Variants in EPM2A observed in about 807,000 individuals in gnomAD.
EPM2A encodes laforin.
Under a neutral mutation model 26.5 loss-of-function variants are expected in EPM2A, and 21 were observed. That is an observed-to-expected ratio of 0.79 (90% CI 0.56 to 1.14). The LOEUF (loss-of-function observed/expected upper bound fraction) is 1.14. Ranked by LOEUF, EPM2A falls within the 50% of genes most tolerant of loss-of-function variation. EPM2A has a pLI of 0.00. For synonymous variants in EPM2A, 217 were observed against 177.6 expected (o/e 1.22, Z -1.76); for missense variants, 458 against 440.8 (o/e 1.04, Z -0.35).
chr6:145,662,471 T>A (rs1778792351), intron 2 of EPM2A, among the ~76,000 whole-genome samples: 1 of 152,116 alleles, frequency 6.6e-6, no homozygotes, highest in Admixed American at 6.5e-5. Context: ...ATGATACTTG[T>A]TAAAGCAAGG....
intron 2 of EPM2A, among the ~76,000 whole-genome samples, chr6:145,531,083 A>C (rs998615874): frequency 2.6e-5 from 4 of 152,170 alleles, no homozygotes; most frequent in Non-Finnish European, 5.9e-5. Flanking sequence ...TGGTGGGAAA[A>C]ATTTTAAGAT....
chr6:145,434,023 T>A (rs563813774), intron 4 of EPM2A, among the ~76,000 whole-genome samples: 29 of 152,014 alleles, frequency 1.9e-4, no homozygotes, highest in East Asian at 3.9e-4. Context: ...TTTCTTTTTT[T>A]AAAAAAAATC....
intron 1 of EPM2A, among the ~76,000 whole-genome samples, chr6:145,691,300 C>T (rs558457573): frequency 7.9e-4 from 120 of 152,098 alleles, no homozygotes; most frequent in Non-Finnish European, 1.4e-3. Flanking sequence ...CTAATATGAG[C>T]AGATTTCTCA....
At chr6:145,429,124 T>A (rs1778888984) in intron 4 of EPM2A, among the ~76,000 whole-genome samples, 1 of 152,142 alleles carries the variant, frequency 6.6e-6, no homozygotes, top group Non-Finnish European at 1.5e-5. Context: ...TCTATTTTGA[T>A]GATCAAATTT....
chr6:145,429,103 T>C (rs1778888956), intron 4 of EPM2A, among the ~76,000 whole-genome samples: 3 of 152,212 alleles, frequency 2.0e-5, no homozygotes, highest in Admixed American at 1.3e-4. Flanking sequence ...TAGACATGAA[T>C]ATTAATTTAC....
At chr6:145,497,951 G>A (rs1157935435), downstream of EPM2A, among the ~76,000 whole-genome samples, 2 of 152,162 alleles carry the variant, frequency 1.3e-5, no homozygotes, top group East Asian at 3.9e-4. Context: ...TCATCCCAAA[G>A]AGAAATCGAA....
At chr6:145,392,750 T>G (rs1189206588) in intron 4 of EPM2A, among the ~76,000 whole-genome samples, 5 of 152,142 alleles carry the variant, frequency 3.3e-5, no homozygotes, top group African/African-American at 9.7e-5. Flanking sequence ...TCTCAGTGGT[T>G]GTCAATTGCT....
intron 4 of EPM2A, among the ~76,000 whole-genome samples, chr6:145,405,104 C>T (rs143123510): frequency 1.3e-5 from 2 of 152,232 alleles, no homozygotes; most frequent in East Asian, 1.9e-4. Context: ...AATTGGATTG[C>T]TGCTGTTGTG....
At chr6:145,628,074 T>C (rs573935527) in intron 3 of EPM2A, 5 of 249,300 alleles carry the variant, frequency 2.0e-5, no homozygotes, top group African/African-American at 9.0e-5. Context: ...AAAAAAATAG[T>C]TGTCAGGTCT....
At position 145,634,948 on chromosome 6, in the gene EPM2A, G is replaced by A. The variant is rs548555826; in HGVS notation, c.718+297C>T. 5.0e-4 allele frequency: 157 copies of A among 317,004 alleles called. 3 individuals carry two copies. The South Asian group carries it at 5.1e-3, about 10-fold the overall frequency. The allele number at this position is 317,004 out of a possible 1,614,324, so 19.6% of individuals were successfully genotyped here. A position where few individuals can be genotyped will look rare whatever the true frequency, so the allele number is the denominator to read the frequency against. On this transcript the variant is annotated intron_variant, in intron 3 of 3. Coordinates refer to ENST00000367519, the MANE Select transcript of EPM2A (RefSeq NM_005670.4). ...CCATCCCTATAGGACAATGCGCTCC[G>A]TGGGGGCAGAAGTTGTGCCTGTCTT...
At chr6:145,638,615 A>G (rs1776866566) in intron 2 of EPM2A, 1 of 152,248 alleles carries the variant, frequency 6.6e-6, no homozygotes, top group Non-Finnish European at 1.5e-5. Flanking sequence ...ACTTTAAAAC[A>G]AGATGTTCTA....
chr6:145,393,831 TTTTTTTTTTTG>T (rs1210850626), intron 4 of EPM2A, among the ~76,000 whole-genome samples: 1 of 46,086 alleles, frequency 2.2e-5, no homozygotes, highest in Admixed American at 2.9e-4. Flanking sequence ...TTTTTTTTCT[TTTTTTTTTTTG>T]AGACAGAGTC....
intron 2 of EPM2A, among the ~76,000 whole-genome samples, chr6:145,653,874 T>G (rs1778067642): frequency 6.6e-6 from 1 of 152,220 alleles, no homozygotes; most frequent in Non-Finnish European, 1.5e-5. Flanking sequence ...ACTAGAATAA[T>G]GTTTGACTGG....
At chr6:145,718,020 T>C (rs1775734197) in intron 1 of EPM2A, among the ~76,000 whole-genome samples, 2 of 151,318 alleles carry the variant, frequency 1.3e-5, no homozygotes, top group Admixed American at 1.3e-4. Flanking sequence ...GAAGAATCAA[T>C]ATCGTGAAAA....
chr6:145,525,427 A>C (rs988331709), intron 2 of EPM2A, among the ~76,000 whole-genome samples: 5 of 151,918 alleles, frequency 3.3e-5, no homozygotes, highest in Admixed American at 2.0e-4. Flanking sequence ...GGTTCTTCCA[A>C]TCCATGAGCA....
chr6:145,603,333 T>C (rs1347672737), intron 2 of EPM2A, among the ~76,000 whole-genome samples: 1 of 151,916 alleles, frequency 6.6e-6, no homozygotes, highest in African/African-American at 2.4e-5. Context: ...AACCTGCAAA[T>C]TGTCAAAGTA....
intron 2 of EPM2A, among the ~76,000 whole-genome samples, chr6:145,575,045 G>A (rs4896821): frequency 0.48 from 73,229 of 151,960 alleles, 18,546 homozygotes; most frequent in African/African-American, 0.63. Flanking sequence ...TCTAGAAGCA[G>A]ACAGAGCTGT....
chr6:145,655,647 T>C (rs1778222683), intron 2 of EPM2A, among the ~76,000 whole-genome samples: 2 of 152,170 alleles, frequency 1.3e-5, no homozygotes, highest in South Asian at 4.1e-4. Flanking sequence ...GGATGTTGCT[T>C]GTCAGGTTTT....
intron 1 of EPM2A, among the ~76,000 whole-genome samples, chr6:145,726,878 C>G (rs1776237323): frequency 6.6e-6 from 1 of 152,002 alleles, no homozygotes. Flanking sequence ...AAATCTGGAT[C>G]CTAGTTAATA....
Sources: gnomAD v4.1 joint callset for allele counts (sites outside exome capture counted in the v4.1 genomes callset) on GRCh38, gnomAD v4.1.1 for gene constraint, MANE v1.5 for transcripts, NCBI Gene and HGNC (gene_info 2026-07-23, HGNC 2026-07-21) for gene names.